TRIQK: variants seen among roughly 807,000 people sequenced by gnomAD.
The protein encoded by TRIQK is triple QxxK/R motif containing.
Under a neutral mutation model 10.8 loss-of-function variants are expected in TRIQK, and 10 were observed. The observed-to-expected ratio is 0.92, with a 90% CI of 0.57 to 1.57. The LOEUF is 1.57. Among genes scored for constraint, TRIQK ranks in the 40% most tolerant of loss-of-function variants. TRIQK has a pLI of 0.00. For missense variants in TRIQK, 107 were observed against 97.7 expected, an observed-to-expected ratio of 1.09 and a Z score of -0.40; for synonymous variants, 33 against 33.7, an observed-to-expected ratio of 0.98 and a Z score of 0.07.
intron 1 of TRIQK, among the ~76,000 whole-genome samples, chr8:92,986,723 A>G (rs1209943041): frequency 1.3e-5 from 2 of 152,140 alleles, no homozygotes; most frequent in African/African-American, 4.8e-5. Context: ...TAGGGATAAA[A>G]TTTGTTTCAT....
chr8:92,976,804 GT>G (rs573063009), intron 1 of TRIQK, among the ~76,000 whole-genome samples: 82 of 151,516 alleles, frequency 5.4e-4, no homozygotes, highest in African/African-American at 2.0e-3. Context: ...CTTTTTAATG[GT>G]TTTTTTGTGG....
intron 2 of TRIQK, among the ~76,000 whole-genome samples, chr8:92,952,556 T>A (rs1045574500): frequency 3.3e-5 from 5 of 151,538 alleles, no homozygotes; most frequent in African/African-American, 1.2e-4. Context: ...TTTGAAACAA[T>A]AATGACTGAG....
intron 2 of TRIQK, among the ~76,000 whole-genome samples, chr8:92,924,356 C>G (rs1430858798): frequency 6.6e-6 from 1 of 151,958 alleles, no homozygotes; most frequent in African/African-American, 2.4e-5. Flanking sequence ...ATATTAAGAA[C>G]TATTAATGAT....
intron 1 of TRIQK, among the ~76,000 whole-genome samples, chr8:92,977,747 G>C (rs1812947979): frequency 6.6e-6 from 1 of 151,948 alleles, no homozygotes; most frequent in South Asian, 2.1e-4. Context: ...ATTTTACCTT[G>C]TTGGGTTCTG....
At chr8:92,903,287 A>T (rs2130359663) in intron 3 of TRIQK, among the ~76,000 whole-genome samples, 2 of 152,232 alleles carry the variant, frequency 1.3e-5, no homozygotes, top group Middle Eastern at 6.8e-3. Flanking sequence ...TGCTCATTTA[A>T]GAGCAGCTTT....
chr8:92,935,389 C>A (rs1473098877), intron 2 of TRIQK, among the ~76,000 whole-genome samples: 1 of 151,692 alleles, frequency 6.6e-6, no homozygotes, highest in Admixed American at 6.6e-5. Context: ...CGTGTTCATT[C>A]TGTGAAAATT....
chr8:92,959,839 G>GT (rs1261926216), intron 1 of TRIQK, among the ~76,000 whole-genome samples: 6 of 152,136 alleles, frequency 3.9e-5, no homozygotes, highest in Non-Finnish European at 8.8e-5. Flanking sequence ...GACTGTATAC[G>GT]TAAGAGTGGT....
At chr8:92,947,111 T>C (rs1460087974) in intron 2 of TRIQK, among the ~76,000 whole-genome samples, 1 of 151,912 alleles carries the variant, frequency 6.6e-6, no homozygotes, top group Admixed American at 6.6e-5. Context: ...TTCTAAAAGG[T>C]TTTTAGAGCC....
At chr8:92,972,561 G>A (rs1373632962) in intron 1 of TRIQK, 1 of 152,318 alleles carries the variant, frequency 6.6e-6, no homozygotes, top group Non-Finnish European at 1.5e-5. Flanking sequence ...CCAGTTTTCT[G>A]CCTAGCTCCA....
intron 2 of TRIQK, among the ~76,000 whole-genome samples, chr8:92,934,790 A>T (rs1810901392): frequency 1.3e-5 from 2 of 151,908 alleles, no homozygotes; most frequent in South Asian, 4.1e-4. Context: ...AATACCACCG[A>T]ATTTTTCCAC....
chr8:92,952,455 C>T (rs533647583), intron 2 of TRIQK, among the ~76,000 whole-genome samples: 1 of 150,096 alleles, frequency 6.7e-6, no homozygotes, highest in South Asian at 2.1e-4. Context: ...AACAGAATAC[C>T]CAAAGATTGT....
At chr8:93,015,096 G>A (rs1813371524) in intron 1 of TRIQK, among the ~76,000 whole-genome samples, 1 of 151,800 alleles carries the variant, frequency 6.6e-6, no homozygotes, top group Non-Finnish European at 1.5e-5. Flanking sequence ...TTTTTAAAAT[G>A]TATCCGGCAA....
chr8:92,917,697 T>C (rs1230897793), intron 2 of TRIQK, among the ~76,000 whole-genome samples: 3 of 152,048 alleles, frequency 2.0e-5, no homozygotes, highest in Non-Finnish European at 4.4e-5. Context: ...AATTGGGATA[T>C]CCATCACCTT....
intron 3 of TRIQK, among the ~76,000 whole-genome samples, chr8:92,908,708 C>T (rs1809410815): frequency 6.6e-6 from 1 of 151,910 alleles, no homozygotes. Context: ...ATATAGACCA[C>T]ACCAATTAAG....
rs1187013447 is a variant in TRIQK, at chr8:92,988,771, G to A, written c.-181+28838C>T. Among the ~76,000 whole-genome samples, 4 of 152,058 alleles carry A rather than the reference G, an allele frequency of 2.6e-5. No homozygotes were observed. In the East Asian group the frequency reaches 7.7e-4, roughly 29 times the overall value. On this transcript the variant is annotated intron_variant, in intron 1 of 4. Coordinates refer to the TRIQK transcript ENST00000520686. Reference sequence around the variant, plus strand: ...TCTCTCTTAACAATTAGCAAATTTTGTTGAACATAAGTTTCTCGACATCAG... The same window carrying A: ...TCTCTCTTAACAATTAGCAAATTTTATTGAACATAAGTTTCTCGACATCAG...
intron 2 of TRIQK, chr8:92,926,401 A>G (rs1426323479): frequency 6.6e-6 from 1 of 152,210 alleles, no homozygotes; most frequent in Non-Finnish European, 1.5e-5. Flanking sequence ...ATTACAGACC[A>G]ATCCATTATA....
At chr8:92,980,528 C>A (rs1221130955) in intron 1 of TRIQK, among the ~76,000 whole-genome samples, 2 of 151,956 alleles carry the variant, frequency 1.3e-5, no homozygotes, top group Non-Finnish European at 2.9e-5. Flanking sequence ...AAAGAGTTGG[C>A]AGAACTCACT....
At chr8:92,900,350 A>G (rs1388234666) in intron 3 of TRIQK, among the ~76,000 whole-genome samples, 4 of 152,114 alleles carry the variant, frequency 2.6e-5, no homozygotes, top group African/African-American at 4.8e-5. Context: ...GAGTTTCCCC[A>G]ATGATTTCCT....
intron 3 of TRIQK, among the ~76,000 whole-genome samples, chr8:92,912,380 A>G (rs1174273070): frequency 6.6e-6 from 1 of 151,882 alleles, no homozygotes; most frequent in African/African-American, 2.4e-5. Context: ...AGGAATGAAA[A>G]TGAAAACACA....
Sources: gnomAD v4.1 joint callset for allele counts (sites outside exome capture counted in the v4.1 genomes callset) on GRCh38, gnomAD v4.1.1 for gene constraint, MANE v1.5 for transcripts, NCBI Gene and HGNC (gene_info 2026-07-23, HGNC 2026-07-21) for gene names.